TMCC1: variants seen among roughly 807,000 people sequenced by gnomAD.
TMCC1 encodes transmembrane and coiled-coil domains protein 1.
A neutral mutation model predicts 52.4 loss-of-function variants in TMCC1; 15 were observed. The observed-to-expected ratio is 0.29, with a 90% CI of 0.19 to 0.44. The LOEUF (loss-of-function observed/expected upper bound fraction) is 0.44, where lower values mean the gene tolerates loss of function less well. Ranked by LOEUF, TMCC1 falls within the 20% of genes least tolerant of loss-of-function variation. The pLI is 1.00. For synonymous variants in TMCC1, 279 were observed against 301.9 expected, an observed-to-expected ratio of 0.92 and a Z score of 0.79; for missense variants, 503 against 806.0, an observed-to-expected ratio of 0.62 and a Z score of 4.55.
At chr3:129,835,292 A>T (rs750429894) in intron 2 of TMCC1, among the ~76,000 whole-genome samples, 1 of 151,804 alleles carries the variant, frequency 6.6e-6, no homozygotes, top group Non-Finnish European at 1.5e-5. Flanking sequence ...TTTTCCAAAC[A>T]TAAAAAAAAT....
chr3:129,881,919 T>C (rs796755), intron 1 of TMCC1, among the ~76,000 whole-genome samples: 2,161 of 152,302 alleles, frequency 0.014, 53 homozygotes, highest in African/African-American at 0.049. Context: ...CGAGGAGCGA[T>C]GTGTGACTAT....
intron 4 of TMCC1, among the ~76,000 whole-genome samples, chr3:129,827,592 G>GCA (rs2058711513): frequency 6.6e-6 from 1 of 152,062 alleles, no homozygotes; most frequent in Non-Finnish European, 1.5e-5. Flanking sequence ...ATAAAATATA[G>GCA]CACTATGTTA....
At chr3:129,845,202 AC>A (rs1309610721) in intron 2 of TMCC1, among the ~76,000 whole-genome samples, 2 of 151,878 alleles carry the variant, frequency 1.3e-5, no homozygotes, top group Admixed American at 1.3e-4. Context: ...ACACACACAC[AC>A]ACACACACAC....
chr3:129,653,968 T>A (rs1012612757), intron 6 of TMCC1, among the ~76,000 whole-genome samples: 5 of 152,182 alleles, frequency 3.3e-5, no homozygotes, highest in Non-Finnish European at 7.3e-5. Flanking sequence ...ACTTGTCTTA[T>A]AACATATGCA....
intron 4 of TMCC1, among the ~76,000 whole-genome samples, chr3:129,720,380 C>T (rs372846878): frequency 6.6e-6 from 1 of 152,112 alleles, no homozygotes; most frequent in East Asian, 1.9e-4. Context: ...ACTGAGATCT[C>T]CAGCACACTT....
intron 4 of TMCC1, among the ~76,000 whole-genome samples, chr3:129,772,176 T>C (rs1358520363): frequency 2.6e-5 from 4 of 151,996 alleles, no homozygotes; most frequent in South Asian, 4.1e-4. Context: ...CTGGGCAACA[T>C]AGAGACCTCT....
chr3:129,700,566 T>A (rs965482830), intron 4 of TMCC1, among the ~76,000 whole-genome samples: 1 of 152,110 alleles, frequency 6.6e-6, no homozygotes, highest in African/African-American at 2.4e-5. Context: ...AACCTCTACC[T>A]CCTGGGTTCA....
chr3:129,845,388 T>A (rs1332431031), intron 2 of TMCC1, among the ~76,000 whole-genome samples: 1 of 152,036 alleles, frequency 6.6e-6, no homozygotes, highest in Non-Finnish European at 1.5e-5. Flanking sequence ...TCTATAAATA[T>A]CTCCATGTCT....
chr3:129,743,787 T>C, intron 4 of TMCC1, among the ~76,000 whole-genome samples: 1 of 152,202 alleles, frequency 6.6e-6, no homozygotes. Context: ...GACCCAGAAC[T>C]TCAAAAATAA....
chr3:129,660,346 T>C (rs1576347778), intron 5 of TMCC1, among the ~76,000 whole-genome samples: 1 of 152,200 alleles, frequency 6.6e-6, no homozygotes. Context: ...AGAGACGGGG[T>C]TTCGCCATGT....
At chr3:129,720,459 A>G (rs1240369921) in intron 4 of TMCC1, among the ~76,000 whole-genome samples, 3 of 152,164 alleles carry the variant, frequency 2.0e-5, no homozygotes, top group Non-Finnish European at 2.9e-5. Context: ...TAGGTTGTCT[A>G]CGTGGATGAG....
intron 4 of TMCC1, among the ~76,000 whole-genome samples, chr3:129,723,106 T>TA (rs199601223): frequency 1.3e-5 from 2 of 151,844 alleles, no homozygotes; most frequent in African/African-American, 2.4e-5. Flanking sequence ...CAAGGTCAAC[T>TA]AAAAAAAATG....
intron 4 of TMCC1, among the ~76,000 whole-genome samples, chr3:129,720,697 T>C (rs944913050): frequency 2.0e-5 from 3 of 151,984 alleles, no homozygotes; most frequent in African/African-American, 7.3e-5. Flanking sequence ...ATTAAGCTAA[T>C]ATTTTTATTA....
chr3:129,667,728 A>G (rs1269700311), intron 5 of TMCC1, among the ~76,000 whole-genome samples: 2 of 152,180 alleles, frequency 1.3e-5, no homozygotes, highest in African/African-American at 2.4e-5. Flanking sequence ...GTTCTGTCCT[A>G]TTATGTCTCC....
At chr3:129,881,481 G>C (rs1426069022) in intron 1 of TMCC1, among the ~76,000 whole-genome samples, 2 of 151,994 alleles carry the variant, frequency 1.3e-5, no homozygotes, top group Non-Finnish European at 2.9e-5. Flanking sequence ...ACTCTCAGCA[G>C]AAAATGTAGA....
At chr3:129,842,030 T>C (rs549170127) in intron 2 of TMCC1, among the ~76,000 whole-genome samples, 9 of 152,282 alleles carry the variant, frequency 5.9e-5, no homozygotes, top group African/African-American at 1.9e-4. Context: ...TAAGAAGACA[T>C]AACAATTCTA....
At chr3:129,700,723 C>A (rs1443722411) in intron 4 of TMCC1, among the ~76,000 whole-genome samples, 1 of 151,892 alleles carries the variant, frequency 6.6e-6, no homozygotes, top group Non-Finnish European at 1.5e-5. Flanking sequence ...GATCTGCCTG[C>A]CTCAGCCTCT....
At chr3:129,760,627 G>A (rs1015211755) in intron 4 of TMCC1, among the ~76,000 whole-genome samples, 3 of 151,870 alleles carry the variant, frequency 2.0e-5, no homozygotes, top group South Asian at 2.1e-4. Flanking sequence ...ACAGGCGCCC[G>A]CCACCATGCC....
rs1333469475 is a variant in TMCC1 at position 129,800,913 on chromosome 3, A to T, written c.576+26890T>A. 4.1e-5 allele frequency among the ~76,000 whole-genome samples: 6 copies of T among 148,070 alleles called. No individual in the cohort carries two copies. In the Admixed American group the frequency reaches 4.2e-4, roughly 10 times the overall value. On this transcript the variant is annotated intron_variant, in intron 4 of 6. Coordinates refer to ENST00000393238, the MANE Select transcript of TMCC1 (RefSeq NM_001017395.5). The stretch of plus-strand genomic sequence containing the variant: ...GTGCTGATACGTTTTCCCTCTCTGC[A>T]CATCTCACACTATTTTTTTTTTTTT...
Sources: allele counts gnomAD v4.1 joint callset (sites outside exome capture counted in the v4.1 genomes callset), GRCh38; gene constraint gnomAD v4.1.1; transcripts MANE v1.5; gene names NCBI Gene and HGNC (gene_info 2026-07-23, HGNC 2026-07-21).